Variants in SENP6 observed in about 807,000 individuals in gnomAD.
SENP6 encodes the protein SUMO specific peptidase 6, also known as sentrin-specific protease 6.
SENP6 carries 41 observed loss-of-function variants against 134.5 expected under a neutral mutation model. The ratio of observed to expected loss-of-function variants is 0.30; its 90% CI spans 0.24 to 0.40. The LOEUF (loss-of-function observed/expected upper bound fraction) is 0.40. SENP6 is among the 10% of genes least tolerant of loss of function. The pLI, the probability that SENP6 is intolerant of heterozygous loss-of-function variation, is 1.00. For synonymous variants in SENP6, 395 were observed against 429.8 expected, an observed-to-expected ratio of 0.92 and a Z score of 1.00; for missense variants, 1,248 against 1,312.5, an observed-to-expected ratio of 0.95 and a Z score of 0.76.
intron 23 of SENP6, 143 bp downstream of exon 23, chr6:75,713,968 C>A: frequency 1.6e-6 from 1 of 633,118 alleles, no homozygotes; most frequent in Non-Finnish European, 2.6e-6. Context: ...GCAAAAACTT[C>A]TAAATGGAAG....
chr6:75,690,354 T>A (rs1774154195), intron 16 of SENP6, among the ~76,000 whole-genome samples: 1 of 152,232 alleles, frequency 6.6e-6, no homozygotes, highest in African/African-American at 2.4e-5. Context: ...TATGTATACA[T>A]TTCCTTCCTT....
intron 5 of SENP6, among the ~76,000 whole-genome samples, chr6:75,640,332 G>A (rs925461491): frequency 6.6e-6 from 1 of 152,154 alleles, no homozygotes; most frequent in Non-Finnish European, 1.5e-5. Context: ...ATTGGATTCG[G>A]TACTATCATC....
intron 9 of SENP6, 31 bp downstream of exon 9, chr6:75,663,549 A>G (rs1262043655): frequency 4.6e-6 from 7 of 1,512,730 alleles, no homozygotes; most frequent in Non-Finnish European, 5.4e-6. Context: ...AATATTGCTT[A>G]TATCAATCCA....
At chr6:75,710,957 A>T (rs894333110) in intron 20 of SENP6, among the ~76,000 whole-genome samples, 1 of 152,186 alleles carries the variant, frequency 6.6e-6, no homozygotes, top group Non-Finnish European at 1.5e-5. Context: ...TTTATATCCT[A>T]TTGTGAAATA....
At chr6:75,619,756 C>T (rs1469076135) in intron 1 of SENP6, among the ~76,000 whole-genome samples, 1 of 152,116 alleles carries the variant, frequency 6.6e-6, no homozygotes, top group Non-Finnish European at 1.5e-5. Flanking sequence ...TCCAGTTTCT[C>T]CCACATCCTA....
At chr6:75,700,788 G>A (rs1167874384) in intron 18 of SENP6, among the ~76,000 whole-genome samples, 5 of 152,232 alleles carry the variant, frequency 3.3e-5, no homozygotes, top group East Asian at 1.9e-4. Flanking sequence ...CACCGTGCCC[G>A]GCATCATCAA....
At chr6:75,613,699 C>G (rs1561964338) in intron 1 of SENP6, among the ~76,000 whole-genome samples, 1 of 151,416 alleles carries the variant, frequency 6.6e-6, no homozygotes, top group South Asian at 2.1e-4. Context: ...AAATTTCAGA[C>G]ATGCTGCTCA....
intron 3 of SENP6, among the ~76,000 whole-genome samples, chr6:75,630,547 C>T (rs1331975704): frequency 6.6e-6 from 1 of 152,114 alleles, no homozygotes; most frequent in African/African-American, 2.4e-5. Context: ...AGCTATTTTT[C>T]TTTTCTCAGG....
chr6:75,623,779 C>A, intron 2 of SENP6, 121 bp from the exon 3 acceptor site: 1 of 731,604 alleles, frequency 1.4e-6, no homozygotes. Context: ...TGTGGTTTGG[C>A]CCTTTACAGA....
At chr6:75,613,393 A>G (rs1047231881) in intron 1 of SENP6, among the ~76,000 whole-genome samples, 1 of 152,192 alleles carries the variant, frequency 6.6e-6, no homozygotes, top group African/African-American at 2.4e-5. Flanking sequence ...TATGGACTAC[A>G]CAGTGTAAGA....
At chr6:75,710,400 G>A (rs1015011421) in intron 20 of SENP6, among the ~76,000 whole-genome samples, 3 of 152,100 alleles carry the variant, frequency 2.0e-5, no homozygotes, top group African/African-American at 7.2e-5. Flanking sequence ...AAGTTTATAA[G>A]AATCCTACAG....
chr6:75,665,698 G>T (rs1470695049), intron 9 of SENP6, among the ~76,000 whole-genome samples: 1 of 152,190 alleles, frequency 6.6e-6, no homozygotes, highest in African/African-American at 2.4e-5. Context: ...CCAAGGACCA[G>T]TTAAGATTTT....
At chr6:75,680,525 A>G (rs550819383) in intron 16 of SENP6, among the ~76,000 whole-genome samples, 1 of 152,332 alleles carries the variant, frequency 6.6e-6, no homozygotes, top group Non-Finnish European at 1.5e-5. Context: ...AAAGGCTCCC[A>G]TGAATAATTT....
intron 3 of SENP6, among the ~76,000 whole-genome samples, chr6:75,624,770 C>T (rs1474599706): frequency 1.3e-5 from 2 of 151,772 alleles, no homozygotes; most frequent in Non-Finnish European, 2.9e-5. Context: ...CACTTTTTTT[C>T]ACATTTTAAC....
At chr6:75,639,633 C>G (rs1769876613) in intron 5 of SENP6, among the ~76,000 whole-genome samples, 1 of 151,810 alleles carries the variant, frequency 6.6e-6, no homozygotes, top group Non-Finnish European at 1.5e-5. Context: ...AAATTGAGGG[C>G]TTATATAATT....
intron 18 of SENP6, among the ~76,000 whole-genome samples, chr6:75,700,770 GT>G (rs1421745667): frequency 6.6e-6 from 1 of 152,164 alleles, no homozygotes; most frequent in African/African-American, 2.4e-5. Flanking sequence ...GGGATTACAG[GT>G]GTGAGCCACC....
intron 23 of SENP6, 82 bp downstream of exon 23, chr6:75,713,907 C>A: frequency 1.9e-6 from 2 of 1,059,308 alleles, no homozygotes; most frequent in Non-Finnish European, 2.7e-6. Flanking sequence ...ACACAATAAG[C>A]AAATATTTTA....
In SENP6 at chr6:75,689,085, G is replaced by A. The variant is rs72654738; in HGVS notation, c.2076-6719G>A. ...CCGTCTCAAGAAAAAAATTCAGCTG[G>A]GCATGGTGGTGCACACCTATAGTCC... On this transcript the variant is annotated intron_variant, in intron 16 of 23. Transcript: ENST00000447266. Among the ~76,000 whole-genome samples the A allele has an allele frequency of 0.011, 1,604 of 152,070 alleles. 60 individuals are homozygous for A. In the East Asian group the frequency reaches 0.14, roughly 13 times the overall value.
chr6:75,691,101 C>T (rs1472867075), intron 16 of SENP6, among the ~76,000 whole-genome samples: 3 of 151,268 alleles, frequency 2.0e-5, no homozygotes, highest in Non-Finnish European at 2.9e-5. Context: ...ACCTTGGCCT[C>T]CAAAGTGCTG....
Sources: allele counts gnomAD v4.1 joint callset (sites outside exome capture counted in the v4.1 genomes callset), GRCh38; gene constraint gnomAD v4.1.1; transcripts MANE v1.5; gene names NCBI Gene and HGNC (gene_info 2026-07-23, HGNC 2026-07-21).